The following CLRN3 variants were observed in gnomAD, a reference collection of about 807,000 sequenced individuals.
The protein encoded by CLRN3 is clarin-3.
A neutral mutation model predicts 16.7 loss-of-function variants in CLRN3; 12 were observed. The observed-to-expected ratio is 0.72, with a 90% CI of 0.46 to 1.16. The LOEUF is 1.16. Ranked by LOEUF, CLRN3 falls within the 50% of genes most tolerant of loss-of-function variation. The pLI, the probability that CLRN3 is intolerant of heterozygous loss-of-function variation, is 0.00. For missense variants in CLRN3, 296 were observed against 274.2 expected (o/e 1.08, Z -0.56); for synonymous variants, 118 against 113.0 (o/e 1.04, Z -0.28).
At position 127,892,805 on chromosome 10, in the gene CLRN3, T is replaced by C. The variant is rs372098394; in HGVS notation, c.-21A>G. 3.5e-6 allele frequency: 5 copies of C among 1,439,366 alleles called. No homozygotes were observed. Among genetic ancestry groups the C allele is most frequent in the Non-Finnish European group, 4.9e-6 (5 of 1,029,402 alleles). 89.2% of individuals were successfully genotyped at this position (1,439,366 alleles called of 1,614,324 possible). ...GGCATTTTCACAGGAAAATAAGTTC[T>C]CTAGGACAAAAAAAGGAATATCTTC... On this transcript the variant is annotated 5_prime_UTR_variant, in exon 1 of 3. Coordinates refer to ENST00000368671, the MANE Select transcript of CLRN3 (RefSeq NM_152311.5).
chr10:127,878,251 G>A lies in CLRN3; in HGVS notation c.579C>T (p.Val193=). ...GGTAGAAAATGATGATGGTTACAGTGACTATATTTAGAAGAATGACGAGCA... is the reference window on the plus strand; with the variant it reads ...GGTAGAAAATGATGATGGTTACAGTAACTATATTTAGAAGAATGACGAGCA... ...LILLVILLNI[V]TVTIIIFYQK... is the part of the protein sequence containing the mutation. Residue 193 remains valine (V), a synonymous_variant, in exon 3 of 3, where the codon GTC becomes GTT. Coordinates refer to ENST00000368671, the MANE Select transcript of CLRN3 (RefSeq NM_152311.5). The A allele has an allele frequency of 6.2e-7, 1 of 1,614,170 alleles. No homozygotes were observed. The highest frequency in any genetic ancestry group is 8.5e-7 in the Non-Finnish European group (1 of 1,180,042).
chr10:127,878,848 T>C (rs1297693381), intron 2 of CLRN3, among the ~76,000 whole-genome samples: 2 of 152,118 alleles, frequency 1.3e-5, no homozygotes, highest in Non-Finnish European at 1.5e-5. Context: ...GGGTGGGCAG[T>C]GGGCCTGGAG....
chr10:127,892,866 G>A lies in CLRN3; in HGVS notation c.-82C>T. The stretch of plus-strand genomic sequence containing the variant: ...TTTGAACCTTATCTTTTGAAGTCTG[G>A]TATTTAGAAATGGAGTCTAACACTT... On this transcript the variant is annotated 5_prime_UTR_variant, in exon 1 of 3. Transcript: ENST00000368671. 2 of 815,238 alleles carry A rather than the reference G, an allele frequency of 2.5e-6. No homozygotes were observed. Among genetic ancestry groups the A allele is most frequent in the Non-Finnish European group, 4.0e-6 (2 of 495,574 alleles). The allele number at this position is 815,238 out of a possible 1,614,324, so 50.5% of individuals were successfully genotyped here.
At position 127,892,848 on chromosome 10, in the gene CLRN3, C is replaced by A. The variant is rs1176214117; in HGVS notation, c.-64G>T. 1.0e-6 allele frequency: 1 copy of A among 956,838 alleles called. No homozygotes were observed. Among genetic ancestry groups the A allele is most frequent in the East Asian group, 2.4e-5 (1 of 41,248 alleles). The allele number at this position is 956,838 out of a possible 1,614,324, so 59.3% of individuals were successfully genotyped here. ...ATATCTTCTTATAACACTTTTGAAC[C>A]TTATCTTTTGAAGTCTGGTATTTAG... On this transcript the variant is annotated 5_prime_UTR_variant, in exon 1 of 3. It adds an upstream start codon to the 5' untranslated region. Coordinates refer to ENST00000368671, the MANE Select transcript of CLRN3 (RefSeq NM_152311.5).
Position 127,878,227 on chromosome 10 carries a change from G to C in CLRN3, c.603C>G (p.Tyr201Ter). The C allele has an allele frequency of 1.9e-6, 3 of 1,614,202 alleles. No individual in the cohort carries two copies. The highest frequency in any genetic ancestry group is 2.5e-6 in the Non-Finnish European group (3 of 1,180,026). The change falls in exon 3 of 3, where the codon TAC becomes TAG. Residue 201 changes from tyrosine (Y) to a stop codon, truncating the protein, a stop_gained. Transcript: ENST00000368671. LOFTEE classifies it high-confidence loss of function. Reference protein sequence around the residue: ...NIVTVTIIIFYQKARYQRKQE... With the variant: ...NIVTVTIIIF ...GCTTCCGCTGGTATCTGGCCTTCTGGTAGAAAATGATGATGGTTACAGTGA... is the reference window on the plus strand; with the variant it reads ...GCTTCCGCTGGTATCTGGCCTTCTGCTAGAAAATGATGATGGTTACAGTGA...
At chr10:127,881,188 C>G (rs1845123536) in intron 2 of CLRN3, among the ~76,000 whole-genome samples, 1 of 152,200 alleles carries the variant, frequency 6.6e-6, no homozygotes, top group Non-Finnish European at 1.5e-5. Context: ...CACCTCACAG[C>G]CTCCCTCTGT....
Position 127,883,735 on chromosome 10 carries a change from G to C in CLRN3, c.370C>G (p.Leu124Val). 6.2e-7 allele frequency: 1 copy of C among 1,613,952 alleles called. No individual in the cohort carries two copies. The highest frequency in any genetic ancestry group is 8.5e-7 in the Non-Finnish European group (1 of 1,179,910). ...CAGGTGTACACCCCCGTCGGCCCCA[G>C]GAATGTCTGGTAAGGGTTGCTGATG... ...NSISNPYQTF[L>V]GPTGVYTWNG... The change falls in exon 2 of 3, where the codon CTG (leucine) becomes GTG (valine). Residue 124 changes from leucine (L) to valine (V), a missense_variant. Coordinates refer to ENST00000368671, the MANE Select transcript of CLRN3 (RefSeq NM_152311.5).
chr10:127,883,321 TATGTGTGTGCAC>T (rs887738809), intron 2 of CLRN3, among the ~76,000 whole-genome samples: 4 of 152,190 alleles, frequency 2.6e-5, no homozygotes, highest in Non-Finnish European at 5.9e-5. Flanking sequence ...TGTGCATGTG[TATGTGTGTGCAC>T]ATGTGTGTGC....
chr10:127,880,333 C>G, intron 2 of CLRN3, among the ~76,000 whole-genome samples: 1 of 152,006 alleles, frequency 6.6e-6, no homozygotes, highest in East Asian at 1.9e-4. Context: ...AACCTGAGTC[C>G]CCTTTAGTGA....
intron 2 of CLRN3, among the ~76,000 whole-genome samples, chr10:127,878,812 G>A (rs1845091779): frequency 6.6e-6 from 1 of 152,174 alleles, no homozygotes; most frequent in Admixed American, 6.5e-5. Flanking sequence ...CATCACAGAT[G>A]GAAGAAGCCG....
chr10:127,884,978 C>T (rs1467594317), intron 1 of CLRN3, among the ~76,000 whole-genome samples: 3 of 152,240 alleles, frequency 2.0e-5, no homozygotes, highest in South Asian at 2.1e-4. Context: ...AGCAACATCA[C>T]TGGGAACAGG....
At chr10:127,886,638 T>C (rs764710601) in intron 1 of CLRN3, among the ~76,000 whole-genome samples, 9 of 152,158 alleles carry the variant, frequency 5.9e-5, no homozygotes, top group Non-Finnish European at 1.3e-4. Flanking sequence ...GCGGTTGGCA[T>C]GGCCGCATGT....
chr10:127,886,203 A>G (rs1321755092), intron 1 of CLRN3, among the ~76,000 whole-genome samples: 1 of 152,228 alleles, frequency 6.6e-6, no homozygotes, highest in Non-Finnish European at 1.5e-5. Context: ...TGGGGCTCCC[A>G]ATGAGACCCG....
intron 1 of CLRN3, among the ~76,000 whole-genome samples, chr10:127,889,978 C>T (rs946663768): frequency 1.3e-5 from 2 of 152,222 alleles, no homozygotes; most frequent in African/African-American, 4.8e-5. Flanking sequence ...TCCAACTGGG[C>T]TTTGCAGACA....
chr10:127,889,082 A>G (rs943091024), intron 1 of CLRN3, among the ~76,000 whole-genome samples: 1 of 152,236 alleles, frequency 6.6e-6, no homozygotes, highest in African/African-American at 2.4e-5. Flanking sequence ...AACTGAGAAC[A>G]AAGAGTGCAG....
At chr10:127,882,937 C>T (rs1286463800) in intron 2 of CLRN3, among the ~76,000 whole-genome samples, 1 of 152,164 alleles carries the variant, frequency 6.6e-6, no homozygotes, top group Non-Finnish European at 1.5e-5. Flanking sequence ...AGGTACTTCC[C>T]CAGCCCTGCT....
At chr10:127,884,820 C>T (rs1258680001) in intron 1 of CLRN3, among the ~76,000 whole-genome samples, 1 of 152,174 alleles carries the variant, frequency 6.6e-6, no homozygotes, top group Non-Finnish European at 1.5e-5. Flanking sequence ...ACATGTAAGC[C>T]CAGCCCAGCC....
intron 2 of CLRN3, among the ~76,000 whole-genome samples, chr10:127,881,291 C>T (rs1474669636): frequency 2.0e-5 from 3 of 152,192 alleles, no homozygotes; most frequent in Non-Finnish European, 4.4e-5. Flanking sequence ...GGCAGGGCTA[C>T]GGGGAGGCTC....
chr10:127,882,098 G>C (rs1382637828), intron 2 of CLRN3, among the ~76,000 whole-genome samples: 1 of 152,226 alleles, frequency 6.6e-6, no homozygotes, highest in Non-Finnish European at 1.5e-5. Context: ...ATTCAGGTGA[G>C]TATATCTGAT....
Sources: allele counts gnomAD v4.1 joint callset (sites outside exome capture counted in the v4.1 genomes callset), GRCh38; gene constraint gnomAD v4.1.1; transcripts MANE v1.5; gene names NCBI Gene and HGNC (gene_info 2026-07-23, HGNC 2026-07-21).